Variants in ACAA2 observed in about 807,000 individuals in gnomAD.
ACAA2 encodes 3-ketoacyl-CoA thiolase, mitochondrial.
A neutral mutation model predicts 44.8 loss-of-function variants in ACAA2; 35 were observed. The ratio of observed to expected loss-of-function variants is 0.78; its 90% confidence interval spans 0.60 to 1.04. ACAA2 has a LOEUF of 1.04. Ranked by LOEUF, ACAA2 falls within the 50% of genes least tolerant of loss-of-function variation. The pLI is 0.00. For synonymous variants in ACAA2, 142 were observed against 166.5 expected (o/e 0.85, Z 1.13); for missense variants, 468 against 482.6 (o/e 0.97, Z 0.28).
At chr18:49,803,038 G>T (rs1279014364) in intron 1 of ACAA2, 185 bp from the exon 2 acceptor site, 1 of 703,006 alleles carries the variant, frequency 1.4e-6, no homozygotes, top group East Asian at 2.8e-5. Context: ...CAGTTTGACA[G>T]TTTGATCTTT....
chr18:49,809,246 G>C (rs1199701842), intron 1 of ACAA2, among the ~76,000 whole-genome samples: 2 of 152,126 alleles, frequency 1.3e-5, no homozygotes, highest in African/African-American at 4.8e-5. Context: ...ATTTCATATT[G>C]CTCAAACACA....
intron 7 of ACAA2, 113 bp from the exon 8 acceptor site, chr18:49,787,474 A>G: frequency 1.3e-6 from 1 of 759,560 alleles, no homozygotes. Flanking sequence ...GGCAGTTATT[A>G]GTAGCCACAA....
intron 1 of ACAA2, among the ~76,000 whole-genome samples, chr18:49,809,598 G>A (rs1229015886): frequency 6.6e-6 from 1 of 152,214 alleles, no homozygotes; most frequent in Non-Finnish European, 1.5e-5. Flanking sequence ...TTAAATGCAT[G>A]TCGCTAAGTG....
Position 49,791,491 on chromosome 18 carries a change from C to A in ACAA2, c.862G>T (p.Asp288Tyr). Residue 288 changes from aspartate to tyrosine, a missense_variant, in exon 7 of 10, where the codon GAT (aspartate) becomes TAT (tyrosine). Physicochemically the swap from Asp to Tyr is radical, Grantham distance 160 (BLOSUM62 -3). Transcript: ENST00000285093. ...RIVGYFVSGC[D>Y]PSIMGIGPVP... The stretch of plus-strand genomic sequence containing the variant: ...TTACCAATACCCATGATAGAGGGAT[C>A]ACATCCAGATACAAAGTAGCCCACA... 1 of 1,611,860 alleles carries A rather than the reference C, an allele frequency of 6.2e-7. No homozygotes were observed. Among genetic ancestry groups the A allele is most frequent in the Non-Finnish European group, 8.5e-7 (1 of 1,179,680 alleles).
intron 1 of ACAA2, among the ~76,000 whole-genome samples, chr18:49,811,830 C>G (rs1371981847): frequency 1.3e-5 from 2 of 152,160 alleles, no homozygotes; most frequent in African/African-American, 4.8e-5. Flanking sequence ...AATACGATCA[C>G]TAGCTCTAAC....
chr18:49,791,332 T>C (rs949064827), intron 7 of ACAA2, 138 bp downstream of exon 7: 5 of 750,846 alleles, frequency 6.7e-6, no homozygotes, highest in Admixed American at 2.8e-5. Flanking sequence ...TTCATAAAGA[T>C]TTTTTATTTA....
Position 49,785,189 on chromosome 18 carries a change from G to C in ACAA2, c.1109+8C>G, listed in dbSNP as rs2143943517. Reference sequence around the variant, plus strand: ...CAAATCTGAAATGCAGCTATTTCTAGCAAATACCTTAATTCGTGAACCAGG... The same window carrying C: ...CAAATCTGAAATGCAGCTATTTCTACCAAATACCTTAATTCGTGAACCAGG... On this transcript the variant is annotated splice_region_variant and intron_variant, in intron 9 of 9. Transcript: ENST00000285093. 6.2e-7 allele frequency: 1 copy of C among 1,607,104 alleles called. No homozygotes were observed. Among genetic ancestry groups the C allele is most frequent in the East Asian group, 2.2e-5 (1 of 44,800 alleles).
At chr18:49,808,736 A>G (rs1046585089) in intron 1 of ACAA2, among the ~76,000 whole-genome samples, 1 of 152,200 alleles carries the variant, frequency 6.6e-6, no homozygotes, top group Non-Finnish European at 1.5e-5. Context: ...TCTGAGGCCA[A>G]TAAAGATCAC....
At chr18:49,811,783 G>A (rs140053731) in intron 1 of ACAA2, among the ~76,000 whole-genome samples, 77 of 152,212 alleles carry the variant, frequency 5.1e-4, no homozygotes, top group African/African-American at 1.7e-3. Context: ...CTCGACATGA[G>A]TGTCCTCCTA....
At chr18:49,793,437 G>A (rs1037784564) in intron 5 of ACAA2, among the ~76,000 whole-genome samples, 1 of 152,188 alleles carries the variant, frequency 6.6e-6, no homozygotes, top group African/African-American at 2.4e-5. Context: ...TGATATGACT[G>A]AGCTTGATAA....
chr18:49,802,918 T>G (rs1226435639), intron 1 of ACAA2, 65 bp from the exon 2 acceptor site: 1 of 1,538,836 alleles, frequency 6.5e-7, no homozygotes, highest in African/African-American at 1.4e-5. Context: ...ATGCTTCGAA[T>G]AATCTCACTG....
At chr18:49,790,976 C>T (rs1033919883) in intron 7 of ACAA2, among the ~76,000 whole-genome samples, 4 of 152,218 alleles carry the variant, frequency 2.6e-5, no homozygotes, top group Non-Finnish European at 5.9e-5. Flanking sequence ...TGTAAGACAA[C>T]CTCCCTAAGC....
chr18:49,796,159 T>A (rs1027827171), intron 3 of ACAA2, among the ~76,000 whole-genome samples: 2 of 152,174 alleles, frequency 1.3e-5, no homozygotes, highest in Non-Finnish European at 2.9e-5. Context: ...TAACACAATA[T>A]AAATCTTGAA....
chr18:49,802,178 A>T (rs933394583), intron 2 of ACAA2, among the ~76,000 whole-genome samples: 1 of 152,222 alleles, frequency 6.6e-6, no homozygotes, highest in Non-Finnish European at 1.5e-5. Context: ...ATCCCAAGTC[A>T]GACATACAGT....
At chr18:49,792,011 C>T (rs1406161257) in intron 6 of ACAA2, 141 bp downstream of exon 6, 2 of 546,242 alleles carry the variant, frequency 3.7e-6, no homozygotes, top group Admixed American at 3.6e-5. Context: ...CTATGAAAAC[C>T]TAAATTAATT....
intron 1 of ACAA2, chr18:49,812,778 C>T (rs1020817511): frequency 2.0e-5 from 3 of 152,236 alleles, no homozygotes; most frequent in African/African-American, 4.8e-5. Context: ...GTTCTTAGAT[C>T]CTGCCAAGCT....
chr18:49,785,431 A>AT, intron 8 of ACAA2, 80 bp from the exon 9 acceptor site: 1 of 1,389,930 alleles, frequency 7.2e-7, no homozygotes, highest in African/African-American at 1.5e-5. Context: ...AGTCCTATCA[A>AT]CAGCTAAGTC....
chr18:49,803,239 A>ATAAT (rs1555790918), intron 1 of ACAA2, among the ~76,000 whole-genome samples: 1 of 142,402 alleles, frequency 7.0e-6, no homozygotes, highest in Admixed American at 7.1e-5. Flanking sequence ...CTGGTAGTTA[A>ATAAT]AATAATAATA....
At chr18:49,797,742 T>C in intron 2 of ACAA2, 148 bp from the exon 3 acceptor site, 2 of 560,306 alleles carry the variant, frequency 3.6e-6, no homozygotes, top group Non-Finnish European at 5.9e-6. Flanking sequence ...AAGTACAGCA[T>C]ATTATATCTA....
Sources: gnomAD v4.1 joint callset for allele counts (sites outside exome capture counted in the v4.1 genomes callset) on GRCh38, gnomAD v4.1.1 for gene constraint, MANE v1.5 for transcripts, NCBI Gene and HGNC (gene_info 2026-07-23, HGNC 2026-07-21) for gene names.